ZBTB44: variants seen among roughly 807,000 people sequenced by gnomAD.
The protein encoded by ZBTB44 is zinc finger and BTB domain containing 44, also known as zinc finger and BTB domain-containing protein 44.
In ZBTB44, 15 loss-of-function variants were observed where a neutral mutation model predicts 54.0. That is an observed-to-expected ratio of 0.28 (90% CI 0.19 to 0.43). The LOEUF (loss-of-function observed/expected upper bound fraction) is 0.43, where lower values mean the gene tolerates loss of function less well. Ranked by LOEUF, ZBTB44 falls within the 20% of genes least tolerant of loss-of-function variation. The pLI is 1.00. For synonymous variants in ZBTB44, 230 were observed against 250.1 expected, an observed-to-expected ratio of 0.92 and a Z score of 0.76; for missense variants, 487 against 707.1, an observed-to-expected ratio of 0.69 and a Z score of 3.53.
At chr11:130,300,006 T>C (rs1240673001) in intron 1 of ZBTB44, among the ~76,000 whole-genome samples, 1 of 152,204 alleles carries the variant, frequency 6.6e-6, no homozygotes, top group Non-Finnish European at 1.5e-5. Flanking sequence ...AGATACATGC[T>C]GCAACACAAA....
intron 1 of ZBTB44, among the ~76,000 whole-genome samples, chr11:130,294,538 CAAAAAAAAAAAAAAAAAA>C (rs11322495): frequency 4.1e-5 from 2 of 48,630 alleles, no homozygotes; most frequent in East Asian, 1.8e-3. Context: ...TCTATATGAC[CAAAAAAAAAAAAAAAAAA>C]AAAAAAAAAA....
chr11:130,284,355 T>TCACAAAC (rs1359365333), intron 1 of ZBTB44, among the ~76,000 whole-genome samples: 1 of 152,212 alleles, frequency 6.6e-6, no homozygotes, highest in Admixed American at 6.5e-5. Flanking sequence ...TAACTAATAA[T>TCACAAAC]CACAAACACT....
chr11:130,254,056 C>G (rs1476910246), intron 2 of ZBTB44, among the ~76,000 whole-genome samples: 1 of 152,122 alleles, frequency 6.6e-6, no homozygotes, highest in Non-Finnish European at 1.5e-5. Context: ...ACACATTATA[C>G]AAAAATTAAT....
intron 2 of ZBTB44, among the ~76,000 whole-genome samples, chr11:130,246,917 A>G (rs1026299246): frequency 1.3e-5 from 2 of 152,196 alleles, no homozygotes; most frequent in African/African-American, 4.8e-5. Context: ...AATCACAAAC[A>G]TACCAGTCAT....
chr11:130,292,336 TAAA>T (rs564978912), intron 1 of ZBTB44, among the ~76,000 whole-genome samples: 6 of 152,060 alleles, frequency 3.9e-5, no homozygotes, highest in African/African-American at 1.4e-4. Flanking sequence ...AGTGATTCCA[TAAA>T]AAAAGTCACT....
At chr11:130,285,480 T>C in intron 1 of ZBTB44, 1 of 164,166 alleles carries the variant, frequency 6.1e-6, no homozygotes, top group Non-Finnish European at 1.3e-5. Flanking sequence ...TTAGTAGAGA[T>C]GAGGTTTCAC....
At chr11:130,245,147 C>A (rs1954588180) in intron 2 of ZBTB44, among the ~76,000 whole-genome samples, 1 of 152,178 alleles carries the variant, frequency 6.6e-6, no homozygotes, top group South Asian at 2.1e-4. Flanking sequence ...CACCCCCATT[C>A]TTTCTGGTCT....
intron 1 of ZBTB44, among the ~76,000 whole-genome samples, chr11:130,280,823 G>GT (rs1047031868): frequency 4.6e-5 from 7 of 152,068 alleles, no homozygotes; most frequent in Non-Finnish European, 1.0e-4. Flanking sequence ...AAGAAGTTTT[G>GT]TTTTTTCCTT....
chr11:130,308,653 A>G (rs1259540261), intron 1 of ZBTB44, among the ~76,000 whole-genome samples: 1 of 152,256 alleles, frequency 6.6e-6, no homozygotes, highest in East Asian at 1.9e-4. Flanking sequence ...TTCAGCCTAC[A>G]CAACAGGTTC....
In ZBTB44 at chr11:130,227,050, A is replaced by G. The variant is rs896823190; in HGVS notation, c.*4714T>C. 4 of 152,202 alleles carry G rather than the reference A, an allele frequency of 2.6e-5. No homozygotes were observed. The highest frequency in any genetic ancestry group is 2.4e-5 in the African/African-American group (1 of 41,448). The allele number at this position is 152,202 out of a possible 1,614,324, so 9.4% of individuals were successfully genotyped here. A position where few individuals can be genotyped will look rare whatever the true frequency, so the allele number is the denominator to read the frequency against. On this transcript the variant is annotated 3_prime_UTR_variant, in exon 8 of 8. Coordinates refer to ENST00000357899, the MANE Select transcript of ZBTB44 (RefSeq NM_001301098.2). ...AAACATGATATTCACATTGATTACA[A>G]TAACCCTAAAAATGATTGTAACGTT...
intron 1 of ZBTB44, among the ~76,000 whole-genome samples, chr11:130,270,652 G>A: frequency 6.6e-6 from 1 of 152,096 alleles, no homozygotes; most frequent in East Asian, 1.9e-4. Flanking sequence ...TAAAGAAAAT[G>A]CATCTGAGAA....
chr11:130,306,126 G>A (rs1206288831), intron 1 of ZBTB44, among the ~76,000 whole-genome samples: 1 of 152,140 alleles, frequency 6.6e-6, no homozygotes, highest in Non-Finnish European at 1.5e-5. Flanking sequence ...CATGACTGTG[G>A]TGAAAAGGGA....
intron 2 of ZBTB44, among the ~76,000 whole-genome samples, chr11:130,243,800 A>G (rs908523776): frequency 1.3e-5 from 2 of 152,218 alleles, no homozygotes; most frequent in African/African-American, 2.4e-5. Context: ...TGCTAGCAGT[A>G]TATCAGAGTT....
intron 1 of ZBTB44, among the ~76,000 whole-genome samples, chr11:130,286,020 G>C (rs930496022): frequency 3.9e-5 from 6 of 152,092 alleles, no homozygotes; most frequent in Non-Finnish European, 7.3e-5. Flanking sequence ...ACTCATATTC[G>C]ATCTGTTCAA....
chr11:130,260,399 A>G (rs149612623), intron 2 of ZBTB44, among the ~76,000 whole-genome samples: 2 of 152,334 alleles, frequency 1.3e-5, no homozygotes, highest in African/African-American at 4.8e-5. Context: ...TGTTGCAACC[A>G]TACTACTTTG....
At chr11:130,291,068 G>A (rs939393761) in intron 1 of ZBTB44, among the ~76,000 whole-genome samples, 1 of 151,792 alleles carries the variant, frequency 6.6e-6, no homozygotes, top group African/African-American at 2.4e-5. Context: ...CCTCCTCACT[G>A]ATCTCCACAG....
intron 1 of ZBTB44, among the ~76,000 whole-genome samples, chr11:130,312,012 AC>A (rs1419787460): frequency 6.6e-6 from 1 of 152,158 alleles, no homozygotes; most frequent in African/African-American, 2.4e-5. Context: ...GGTATCATTC[AC>A]CCCTGCCCCA....
rs79381275 is a variant in ZBTB44, at chr11:130,258,442, T to C, written c.1018+2414A>G. On this transcript the variant is annotated intron_variant, in intron 2 of 7. Transcript: ENST00000357899. ...ACTGTCTCTGTAAAACCAAACTCAC[T>C]GCATGTCAATAACAGTTTTCCTAAA... Among the ~76,000 whole-genome samples, 1,287 of 152,304 alleles carry C rather than the reference T, an allele frequency of 8.5e-3. 26 individuals carry two copies. The highest frequency in any genetic ancestry group is 0.029 in the African/African-American group (1,208 of 41,574).
intron 1 of ZBTB44, among the ~76,000 whole-genome samples, chr11:130,282,541 T>A (rs145792546): frequency 2.2e-4 from 33 of 152,322 alleles, no homozygotes; most frequent in African/African-American, 6.5e-4. Flanking sequence ...GACACTTGAG[T>A]CTTTTCTACA....
Sources: gnomAD v4.1 joint callset for allele counts (sites outside exome capture counted in the v4.1 genomes callset) on GRCh38, gnomAD v4.1.1 for gene constraint, MANE v1.5 for transcripts, NCBI Gene and HGNC (gene_info 2026-07-23, HGNC 2026-07-21) for gene names.